The following TXNRD1 variants were observed in gnomAD, a reference collection of about 807,000 sequenced individuals.
TXNRD1 encodes thioredoxin reductase 1, cytoplasmic.
A neutral mutation model predicts 80.3 loss-of-function variants in TXNRD1; 57 were observed. The observed-to-expected ratio is 0.71, with a 90% CI of 0.57 to 0.89. TXNRD1 has a LOEUF of 0.89. TXNRD1 is among the 40% of genes least tolerant of loss of function. The pLI is 0.00. For missense variants in TXNRD1, 730 were observed against 803.0 expected, an observed-to-expected ratio of 0.91 and a Z score of 1.10; for synonymous variants, 291 against 285.2, an observed-to-expected ratio of 1.02 and a Z score of -0.20.
chr12:104,326,307 C>T (rs532081301), intron 11 of TXNRD1, 40 bp from the exon 12 acceptor site: 2 of 1,380,690 alleles, frequency 1.4e-6, no homozygotes, highest in African/African-American at 1.5e-5. Flanking sequence ...AATGCAAAGC[C>T]TTTTTGTTAT....
chr12:104,282,668 A>C (rs2033902923), intron 3 of TXNRD1, among the ~76,000 whole-genome samples: 1 of 152,082 alleles, frequency 6.6e-6, no homozygotes, highest in Non-Finnish European at 1.5e-5. Flanking sequence ...TGGTAACTGC[A>C]AGGGTTGGGG....
chr12:104,277,415 A>AAG (rs71069743), intron 3 of TXNRD1, among the ~76,000 whole-genome samples: 1 of 150,052 alleles, frequency 6.7e-6, no homozygotes, highest in East Asian at 2.0e-4. Flanking sequence ...AAAAAAAAAA[A>AAG]TTAGTCAGGC....
intron 16 of TXNRD1, among the ~76,000 whole-genome samples, chr12:104,346,988 G>GGGAGGCTGAGGCAGGAGAATCGCTT (rs2036514585): frequency 6.6e-6 from 1 of 152,064 alleles, no homozygotes; most frequent in Non-Finnish European, 1.5e-5. Context: ...CCACCTACTC[G>GGGAGGCTGAGGCAGGAGAATCGCTT]GGAGGCTGAG....
intron 1 of TXNRD1, among the ~76,000 whole-genome samples, chr12:104,232,618 G>C (rs1041306055): frequency 6.6e-6 from 1 of 151,974 alleles, no homozygotes; most frequent in Non-Finnish European, 1.5e-5. Flanking sequence ...GCGGGGACTG[G>C]GTAGACAAGA....
intron 1 of TXNRD1, among the ~76,000 whole-genome samples, chr12:104,219,808 A>G (rs2032309673): frequency 6.6e-6 from 1 of 152,092 alleles, no homozygotes; most frequent in Admixed American, 6.6e-5. Flanking sequence ...TAAGTGAGGA[A>G]TGTTCCAAAA....
intron 1 of TXNRD1, among the ~76,000 whole-genome samples, chr12:104,240,894 C>T (rs2032843981): frequency 6.6e-6 from 1 of 151,902 alleles, no homozygotes; most frequent in African/African-American, 2.4e-5. Context: ...AGGCGCCCGC[C>T]ACCATGCCTG....
intron 3 of TXNRD1, among the ~76,000 whole-genome samples, chr12:104,281,939 T>C (rs2033888681): frequency 6.6e-6 from 1 of 152,216 alleles, no homozygotes; most frequent in Non-Finnish European, 1.5e-5. Context: ...TTAGACATAC[T>C]GGTTACTTTG....
chr12:104,310,450 A>T (rs935532933), intron 4 of TXNRD1, among the ~76,000 whole-genome samples: 1 of 152,184 alleles, frequency 6.6e-6, no homozygotes, highest in Non-Finnish European at 1.5e-5. Flanking sequence ...TGCCTGGCCT[A>T]CTTGATTTTT....
chr12:104,264,396 A>G (rs528509423), intron 3 of TXNRD1, among the ~76,000 whole-genome samples: 2 of 152,358 alleles, frequency 1.3e-5, no homozygotes, highest in South Asian at 4.1e-4. Flanking sequence ...AGAGGTTAAG[A>G]GTTGAAAAGT....
intron 2 of TXNRD1, among the ~76,000 whole-genome samples, chr12:104,256,900 C>T (rs1347984406): frequency 1.3e-5 from 2 of 150,978 alleles, no homozygotes; most frequent in Non-Finnish European, 2.9e-5. Flanking sequence ...TAGAAATCTC[C>T]GAGTGTACTT....
chr12:104,324,885 G>A (rs2035702240), intron 10 of TXNRD1, among the ~76,000 whole-genome samples: 1 of 152,166 alleles, frequency 6.6e-6, no homozygotes, highest in Admixed American at 6.5e-5. Context: ...TGGACCTGCT[G>A]TAATGTAATC....
chr12:104,216,278 G>A (rs1033272263), intron 1 of TXNRD1, among the ~76,000 whole-genome samples: 1 of 152,222 alleles, frequency 6.6e-6, no homozygotes, highest in African/African-American at 2.4e-5. Flanking sequence ...GAAAGGTTAC[G>A]GGGGAAGCGA....
At chr12:104,292,002 AAAG>A (rs1252271150) in intron 4 of TXNRD1, among the ~76,000 whole-genome samples, 1 of 152,240 alleles carries the variant, frequency 6.6e-6, no homozygotes, top group African/African-American at 2.4e-5. Flanking sequence ...ACACCTTTAA[AAAG>A]AAGGTTAAGA....
chr12:104,331,332 C>T (rs2035939378), intron 13 of TXNRD1, among the ~76,000 whole-genome samples: 1 of 152,156 alleles, frequency 6.6e-6, no homozygotes, highest in Non-Finnish European at 1.5e-5. Context: ...AGACTTCACA[C>T]TTCTATCCAC....
intron 4 of TXNRD1, among the ~76,000 whole-genome samples, chr12:104,302,549 GC>G (rs1050483222): frequency 2.2e-5 from 3 of 134,312 alleles, no homozygotes; most frequent in African/African-American, 8.5e-5. Context: ...GAGTGCAGTG[GC>G]CCGATCTCGG....
chr12:104,323,819 C>G (rs1452920612), intron 10 of TXNRD1, among the ~76,000 whole-genome samples: 4 of 151,386 alleles, frequency 2.6e-5, no homozygotes, highest in African/African-American at 9.7e-5. Flanking sequence ...GACCCCCCCC[C>G]ACCTCCCTCC....
At chr12:104,248,265 ATGTT>A (rs60272386) in intron 1 of TXNRD1, among the ~76,000 whole-genome samples, 4 of 152,192 alleles carry the variant, frequency 2.6e-5, no homozygotes, top group African/African-American at 4.8e-5. Context: ...ACACATAAAT[ATGTT>A]TGTTTATTTA....
intron 2 of TXNRD1, among the ~76,000 whole-genome samples, chr12:104,254,232 T>C (rs1374305575): frequency 6.6e-6 from 1 of 152,138 alleles, no homozygotes; most frequent in Non-Finnish European, 1.5e-5. Flanking sequence ...ATAAAAGCCA[T>C]AGAACATACC....
intron 3 of TXNRD1, among the ~76,000 whole-genome samples, chr12:104,277,114 G>A (rs890911534): frequency 1.3e-5 from 2 of 151,714 alleles, no homozygotes; most frequent in African/African-American, 4.8e-5. Context: ...AGCATAGGCC[G>A]GGTGCGGTGG....
Sources: gnomAD v4.1 joint callset for allele counts (sites outside exome capture counted in the v4.1 genomes callset) on GRCh38, gnomAD v4.1.1 for gene constraint, MANE v1.5 for transcripts, NCBI Gene and HGNC (gene_info 2026-07-23, HGNC 2026-07-21) for gene names.